RBFOX2: variants seen among roughly 807,000 people sequenced by gnomAD.
RBFOX2 encodes the protein RNA binding protein fox-1 homolog 2.
Under a neutral mutation model 49.1 loss-of-function variants are expected in RBFOX2, and 10 were observed. The ratio of observed to expected loss-of-function variants is 0.20; its 90% CI spans 0.13 to 0.35. RBFOX2 has a LOEUF of 0.35. Among genes scored for constraint, RBFOX2 ranks in the 10% least tolerant of loss-of-function variants. The probability of loss-of-function intolerance (pLI) is 1.00; values close to 1 mark genes in which losing one functional copy is unlikely to be tolerated. For missense variants in RBFOX2, 323 were observed against 486.9 expected, an observed-to-expected ratio of 0.66 and a Z score of 3.17; for synonymous variants, 183 against 187.4, an observed-to-expected ratio of 0.98 and a Z score of 0.19.
intron 1 of RBFOX2, among the ~76,000 whole-genome samples, chr22:35,878,119 A>T (rs553969875): frequency 2.6e-5 from 4 of 151,768 alleles, no homozygotes; most frequent in Non-Finnish European, 5.9e-5. Context: ...GTCTCAAGCC[A>T]GGCGCAGTGG....
At chr22:35,823,304 C>T (rs1448607903) in intron 1 of RBFOX2, among the ~76,000 whole-genome samples, 3 of 152,204 alleles carry the variant, frequency 2.0e-5, no homozygotes, top group Non-Finnish European at 4.4e-5. Flanking sequence ...TGGGTTCCCC[C>T]TGGACAGACT....
At chr22:35,863,345 G>C (rs1436386608) in intron 1 of RBFOX2, among the ~76,000 whole-genome samples, 2 of 152,104 alleles carry the variant, frequency 1.3e-5, no homozygotes, top group Non-Finnish European at 2.9e-5. Context: ...AAATTGAAGT[G>C]ATTTTTATGC....
chr22:35,875,051 C>G (rs567055652), intron 1 of RBFOX2, among the ~76,000 whole-genome samples: 2 of 152,246 alleles, frequency 1.3e-5, no homozygotes, highest in East Asian at 3.9e-4. Flanking sequence ...TGTGTGAGCA[C>G]AAGACTAGAT....
chr22:36,027,519 A>T (rs563528797), intron 1 of RBFOX2, among the ~76,000 whole-genome samples: 151 of 152,178 alleles, frequency 9.9e-4, no homozygotes, highest in African/African-American at 3.2e-3. Flanking sequence ...CTATAAAAAA[A>T]TTTTTTTTAT....
intron 2 of RBFOX2, among the ~76,000 whole-genome samples, chr22:35,805,239 G>A (rs1950509417): frequency 7.0e-6 from 1 of 141,908 alleles, no homozygotes; most frequent in Non-Finnish European, 1.5e-5. Context: ...GCAGTGAGCC[G>A]AGATCGCGCC....
Position 35,983,612 on chromosome 22 carries a change from T to C in RBFOX2, c.186+44628A>G, listed in dbSNP as rs539537073. On this transcript the variant is annotated intron_variant, in intron 1 of 13. Coordinates refer to the RBFOX2 transcript ENST00000438146. Reference sequence around the variant, plus strand: ...CAAATGGAGAATGACCCAGAGATGTTAATAACTGCTTAACTACGGCTACAC... The same window carrying C: ...CAAATGGAGAATGACCCAGAGATGTCAATAACTGCTTAACTACGGCTACAC... 3.9e-5 allele frequency among the ~76,000 whole-genome samples: 6 copies of C among 152,262 alleles called. No individual in the cohort carries two copies. In the East Asian group the frequency reaches 1.2e-3, roughly 29 times the overall value.
At chr22:35,920,476 G>C (rs2050902833) in intron 1 of RBFOX2, among the ~76,000 whole-genome samples, 1 of 152,028 alleles carries the variant, frequency 6.6e-6, no homozygotes, top group Non-Finnish European at 1.5e-5. Flanking sequence ...ACTTCAATTT[G>C]TTTTCTTATT....
intron 1 of RBFOX2, among the ~76,000 whole-genome samples, chr22:35,846,454 C>T (rs906150999): frequency 7.9e-5 from 12 of 151,360 alleles, no homozygotes; most frequent in African/African-American, 2.9e-4. Context: ...GAGCATACCT[C>T]AATATCAAAA....
At chr22:36,005,515 G>A (rs2058587139) in intron 1 of RBFOX2, among the ~76,000 whole-genome samples, 1 of 152,040 alleles carries the variant, frequency 6.6e-6, no homozygotes, top group African/African-American at 2.4e-5. Context: ...ATATTCTGAG[G>A]GCAAAAATTG....
intron 1 of RBFOX2, among the ~76,000 whole-genome samples, chr22:35,853,967 T>G (rs144196076): frequency 0.12 from 17,712 of 152,090 alleles, 1,357 homozygotes; most frequent in Middle Eastern, 0.19. Flanking sequence ...TCTCAGCACT[T>G]TGGGAGGCCA....
At chr22:35,783,309 A>T (rs1374422469) in intron 2 of RBFOX2, among the ~76,000 whole-genome samples, 1 of 152,190 alleles carries the variant, frequency 6.6e-6, no homozygotes, top group Non-Finnish European at 1.5e-5. Context: ...ACTTCATCTG[A>T]TTTCCACTCA....
At chr22:35,852,070 A>AC (rs1186528845) in intron 1 of RBFOX2, among the ~76,000 whole-genome samples, 15 of 152,168 alleles carry the variant, frequency 9.9e-5, no homozygotes, top group Middle Eastern at 3.4e-3. Context: ...AATAAAAAAA[A>AC]CCCAATACTG....
intron 1 of RBFOX2, among the ~76,000 whole-genome samples, chr22:35,884,655 C>T (rs1375215687): frequency 1.3e-5 from 2 of 152,170 alleles, no homozygotes; most frequent in Non-Finnish European, 2.9e-5. Flanking sequence ...GTAACCAAAT[C>T]TTAGAAGTGA....
At chr22:35,751,213 T>G (rs1934792544) in intron 9 of RBFOX2, among the ~76,000 whole-genome samples, 1 of 152,250 alleles carries the variant, frequency 6.6e-6, no homozygotes, top group Admixed American at 6.5e-5. Flanking sequence ...CTTTTAATTT[T>G]ATTATATTTT....
chr22:35,920,254 T>C (rs1243543149), intron 1 of RBFOX2, among the ~76,000 whole-genome samples: 1 of 152,212 alleles, frequency 6.6e-6, no homozygotes, highest in African/African-American at 2.4e-5. Flanking sequence ...TGCCTGGTCA[T>C]GAAGGTCCTC....
intron 1 of RBFOX2, chr22:35,994,306 T>G: frequency 6.6e-6 from 1 of 152,188 alleles, no homozygotes; most frequent in East Asian, 1.9e-4. Context: ...CAACATAGTA[T>G]CTTACATTCT....
At chr22:35,897,065 G>A (rs1332270591) in intron 1 of RBFOX2, among the ~76,000 whole-genome samples, 2 of 152,104 alleles carry the variant, frequency 1.3e-5, no homozygotes. Flanking sequence ...ACTGATAAGA[G>A]ATTCATTTTT....
chr22:35,756,304 T>G (rs778873607), intron 9 of RBFOX2, among the ~76,000 whole-genome samples, 160 bp from the exon 11 acceptor site: 15 of 151,974 alleles, frequency 9.9e-5, no homozygotes, highest in Non-Finnish European at 1.8e-4. Context: ...TGAGAAAATG[T>G]GAAAGTGCAC....
At chr22:35,898,106 G>A (rs996163993) in intron 1 of RBFOX2, 57 of 740,454 alleles carry the variant, frequency 7.7e-5, no homozygotes, top group Non-Finnish European at 1.4e-4. Flanking sequence ...AGCTAGCCCA[G>A]GTCTCCCATG....
Sources: allele counts gnomAD v4.1 joint callset (sites outside exome capture counted in the v4.1 genomes callset), GRCh38; gene constraint gnomAD v4.1.1; transcripts MANE v1.5; gene names NCBI Gene and HGNC (gene_info 2026-07-23, HGNC 2026-07-21).